Variants in PLPPR5 observed in about 807,000 individuals in gnomAD.
PLPPR5 encodes the protein phospholipid phosphatase-related protein type 5.
Under a neutral mutation model 33.9 loss-of-function variants are expected in PLPPR5, and 16 were observed. That is an observed-to-expected ratio of 0.47 (90% confidence interval 0.32 to 0.72). PLPPR5 has a LOEUF of 0.72. PLPPR5 is among the 30% of genes least tolerant of loss of function. The pLI is 0.03. For synonymous variants in PLPPR5, 163 were observed against 150.3 expected (o/e 1.08, Z -0.62); for missense variants, 301 against 406.7 (o/e 0.74, Z 2.23).
In PLPPR5 at chr1:98,977,935, G is replaced by A. The variant is rs183369149; in HGVS notation, c.238-21194C>T. On this transcript the variant is annotated intron_variant, in intron 1 of 5. Transcript: ENST00000263177. ...AATGGCATGGTAGAATATCAAGAAT[G>A]CTAACTTTTTCAAAATGTCCATGCA... 9.2e-5 allele frequency among the ~76,000 whole-genome samples: 14 copies of A among 152,024 alleles called. No individual in the cohort carries two copies. In the East Asian group the frequency reaches 1.4e-3, roughly 15 times the overall value.
At chr1:98,896,395 T>C (rs963252605) in intron 5 of PLPPR5, among the ~76,000 whole-genome samples, 2 of 152,112 alleles carry the variant, frequency 1.3e-5, no homozygotes, top group Admixed American at 1.3e-4. Context: ...TAAATCTTTT[T>C]AGTAGATGAT....
chr1:98,926,447 AGTGTGTGTGTGTGTGTGTGTGT>A (rs60874366), intron 3 of PLPPR5, among the ~76,000 whole-genome samples: 26 of 132,716 alleles, frequency 2.0e-4, no homozygotes, highest in South Asian at 2.6e-4. Flanking sequence ...AGGTTTGATT[AGTGTGTGTGTGTGTGTGTGTGT>A]GTGTGTGTGT....
At chr1:98,917,541 T>G (rs75227204) in intron 4 of PLPPR5, among the ~76,000 whole-genome samples, 3,607 of 152,268 alleles carry the variant, frequency 0.024, 142 homozygotes, top group African/African-American at 0.082. Context: ...TTTTGCAGCC[T>G]TCCTTCTCTG....
chr1:98,964,944 C>T (rs1368686968), intron 1 of PLPPR5, among the ~76,000 whole-genome samples: 3 of 151,544 alleles, frequency 2.0e-5, no homozygotes, highest in Non-Finnish European at 2.9e-5. Flanking sequence ...AGACTACAGG[C>T]ATGTGCAACC....
At chr1:98,952,263 AG>A (rs60110813) in intron 3 of PLPPR5, among the ~76,000 whole-genome samples, 13,585 of 42,622 alleles carry the variant, frequency 0.32, 1,096 homozygotes, top group East Asian at 0.49. Flanking sequence ...ACTCCGTCTC[AG>A]AAAAAAAAAA....
At chr1:98,894,629 G>A (rs916223443) in intron 5 of PLPPR5, among the ~76,000 whole-genome samples, 4 of 152,012 alleles carry the variant, frequency 2.6e-5, no homozygotes, top group Non-Finnish European at 5.9e-5. Context: ...GTCAATAAGG[G>A]GCAGTAGAGA....
intron 1 of PLPPR5, among the ~76,000 whole-genome samples, chr1:98,989,510 T>C (rs563046639): frequency 3.2e-4 from 48 of 152,226 alleles, no homozygotes; most frequent in Non-Finnish European, 6.2e-4. Flanking sequence ...AATGCTCCAA[T>C]CTACCAAAAG....
rs1268408237 is a variant in PLPPR5, at chr1:98,914,802, T to C, written c.917A>G (p.Lys306Arg). ...SIPRVESPLE[K>R]VTSVQNHITA... ...GTGAGTCACCTGTACAGATGTTACC[T>C]TTTCCAAAGGACTTTCTACTCGAGG... Residue 306 changes from lysine to arginine, a missense_variant, in exon 5 of 6, where the codon AAG (lysine) becomes AGG (arginine). Physicochemically the swap from Lys to Arg is conservative, Grantham distance 26. Coordinates refer to ENST00000263177, the MANE Select transcript of PLPPR5 (RefSeq NM_001037317.2). The C allele has an allele frequency of 6.2e-7, 1 of 1,612,554 alleles. No individual in the cohort carries two copies. The highest frequency in any genetic ancestry group is 8.5e-7 in the Non-Finnish European group (1 of 1,179,296).
At chr1:98,980,648 C>A (rs1652029829) in intron 1 of PLPPR5, among the ~76,000 whole-genome samples, 2 of 151,994 alleles carry the variant, frequency 1.3e-5, no homozygotes, top group South Asian at 4.1e-4. Flanking sequence ...ATCATATCCT[C>A]AAATTTATAG....
chr1:98,932,186 C>CT (rs891752256), intron 3 of PLPPR5, among the ~76,000 whole-genome samples: 34 of 152,192 alleles, frequency 2.2e-4, no homozygotes, highest in African/African-American at 7.7e-4. Context: ...GTTCCACCTG[C>CT]TTTCTCGTGG....
chr1:98,980,592 G>T (rs903158313), intron 1 of PLPPR5, among the ~76,000 whole-genome samples: 1 of 151,938 alleles, frequency 6.6e-6, no homozygotes, highest in African/African-American at 2.4e-5. Flanking sequence ...AGTACTGTTC[G>T]ACTTCACATT....
intron 1 of PLPPR5, among the ~76,000 whole-genome samples, chr1:98,960,560 A>G (rs1651208651): frequency 6.6e-6 from 1 of 152,200 alleles, no homozygotes; most frequent in Non-Finnish European, 1.5e-5. Context: ...TGATGAATGT[A>G]TTTATGTAAA....
At chr1:98,996,674 C>A (rs1017725432) in intron 1 of PLPPR5, among the ~76,000 whole-genome samples, 1 of 152,086 alleles carries the variant, frequency 6.6e-6, no homozygotes, top group Non-Finnish European at 1.5e-5. Context: ...ACCTTCTCAA[C>A]CTGTATAAAT....
intron 1 of PLPPR5, among the ~76,000 whole-genome samples, chr1:98,996,581 T>C (rs1415225135): frequency 1.3e-5 from 2 of 152,086 alleles, no homozygotes; most frequent in Non-Finnish European, 2.9e-5. Context: ...TTCATAATAA[T>C]GATACTCCTT....
At chr1:98,911,999 C>T (rs544291773) in intron 5 of PLPPR5, among the ~76,000 whole-genome samples, 1 of 152,204 alleles carries the variant, frequency 6.6e-6, no homozygotes, top group Admixed American at 6.5e-5. Context: ...GAAATCCTGA[C>T]CTCAAGCGAT....
rs114614790 is a variant in PLPPR5 at position 98,940,149 on chromosome 1, G to T, written c.621+12921C>A. ...GCACCAGGACAAAATGCCATAGGCCGAGTGGCATAAAAGACAGAATTTAAT... is the reference window on the plus strand; with the variant it reads ...GCACCAGGACAAAATGCCATAGGCCTAGTGGCATAAAAGACAGAATTTAAT... On this transcript the variant is annotated intron_variant, in intron 3 of 5. Coordinates refer to ENST00000263177, the MANE Select transcript of PLPPR5 (RefSeq NM_001037317.2). 6.9e-3 allele frequency among the ~76,000 whole-genome samples: 1,047 copies of T among 151,870 alleles called. 11 individuals are homozygous for T. The highest frequency in any genetic ancestry group is 0.024 in the African/African-American group (992 of 41,516).
intron 1 of PLPPR5, among the ~76,000 whole-genome samples, chr1:98,991,547 T>C (rs1652451689): frequency 6.6e-6 from 1 of 152,104 alleles, no homozygotes; most frequent in South Asian, 2.1e-4. Context: ...GCCAGAATAG[T>C]AGAAAGGGCT....
At chr1:98,935,606 A>G (rs1650145546) in intron 3 of PLPPR5, among the ~76,000 whole-genome samples, 1 of 152,228 alleles carries the variant, frequency 6.6e-6, no homozygotes, top group Non-Finnish European at 1.5e-5. Flanking sequence ...TCTATGTTAA[A>G]AATAGCCCCA....
At chr1:98,965,807 A>G (rs1430344717) in intron 1 of PLPPR5, among the ~76,000 whole-genome samples, 1 of 152,232 alleles carries the variant, frequency 6.6e-6, no homozygotes, top group Non-Finnish European at 1.5e-5. Flanking sequence ...ACTCAAAGAT[A>G]TCCATGCATC....
Sources: allele counts gnomAD v4.1 joint callset (sites outside exome capture counted in the v4.1 genomes callset), GRCh38; gene constraint gnomAD v4.1.1; transcripts MANE v1.5; gene names NCBI Gene and HGNC (gene_info 2026-07-23, HGNC 2026-07-21).